The following MEF2C variants were observed in gnomAD, a reference collection of about 807,000 sequenced individuals.
The protein encoded by MEF2C is myocyte-specific enhancer factor 2C.
A neutral mutation model predicts 50.5 loss-of-function variants in MEF2C; 6 were observed. The ratio of observed to expected loss-of-function variants is 0.12; its 90% CI spans 0.07 to 0.23. The LOEUF (loss-of-function observed/expected upper bound fraction) is 0.23, where lower values mean the gene tolerates loss of function less well. MEF2C is among the 10% of genes least tolerant of loss of function. The probability of loss-of-function intolerance (pLI) is 1.00; values close to 1 mark genes in which losing one functional copy is unlikely to be tolerated. For missense variants in MEF2C, 276 were observed against 605.0 expected (o/e 0.46, Z 5.70); for synonymous variants, 183 against 228.0 (o/e 0.80, Z 1.78).
At chr5:88,807,009 T>C (rs933272238) in intron 2 of MEF2C, among the ~76,000 whole-genome samples, 4 of 152,224 alleles carry the variant, frequency 2.6e-5, no homozygotes, top group Admixed American at 2.0e-4. Flanking sequence ...TGTATGTATA[T>C]ATGTGATAAA....
At chr5:88,760,861 G>C in intron 4 of MEF2C, 1 of 1,031,510 alleles carries the variant, frequency 9.7e-7, no homozygotes, top group Non-Finnish European at 1.4e-6. Flanking sequence ...TGAGCTGCCC[G>C]TGGGATGAGA....
intron 6 of MEF2C, chr5:88,742,957 A>AAAT: frequency 1.4e-5 from 14 of 973,892 alleles, no homozygotes; most frequent in Non-Finnish European, 1.7e-5. Flanking sequence ...TTAATTTCAT[A>AAAT]AATAATAATA....
At chr5:88,740,425 C>T in intron 6 of MEF2C, 1 of 985,246 alleles carries the variant, frequency 1.0e-6, no homozygotes, top group Non-Finnish European at 1.2e-6. Context: ...TGTTGGCGAA[C>T]ATTTTCTCAT....
At chr5:88,831,124 G>T (rs773330200) in intron 1 of MEF2C, among the ~76,000 whole-genome samples, 1 of 151,916 alleles carries the variant, frequency 6.6e-6, no homozygotes, top group African/African-American at 2.4e-5. Context: ...CATATTTCAC[G>T]ATTAAAATGG....
At chr5:88,838,594 G>T (rs533396472) in intron 1 of MEF2C, 2 of 985,144 alleles carry the variant, frequency 2.0e-6, no homozygotes, top group South Asian at 4.7e-5. Flanking sequence ...GAATTACACA[G>T]ATATCTCATC....
At chr5:88,765,335 C>A (rs1378136251) in intron 3 of MEF2C, among the ~76,000 whole-genome samples, 1 of 152,052 alleles carries the variant, frequency 6.6e-6, no homozygotes, top group Non-Finnish European at 1.5e-5. Flanking sequence ...GCTTGTATAA[C>A]ACATTTCTGC....
intron 1 of MEF2C, chr5:88,826,972 A>T (rs1268561677): frequency 6.7e-6 from 1 of 149,578 alleles, no homozygotes; most frequent in East Asian, 2.0e-4. Context: ...AGTCTTCTGC[A>T]TTTTTTTTTT....
At chr5:88,773,787 G>C (rs1783515454) in intron 3 of MEF2C, among the ~76,000 whole-genome samples, 1 of 152,200 alleles carries the variant, frequency 6.6e-6, no homozygotes, top group Non-Finnish European at 1.5e-5. Context: ...TTTTAGTCAG[G>C]TTTGCCAGGT....
chr5:88,755,455 G>C (rs954679532), intron 4 of MEF2C, among the ~76,000 whole-genome samples: 1 of 152,160 alleles, frequency 6.6e-6, no homozygotes, highest in Non-Finnish European at 1.5e-5. Flanking sequence ...ATAAAATACT[G>C]TAGTCAGAAA....
chr5:88,729,540 G>A, intron 8 of MEF2C, 193 bp from the exon 9 acceptor site: 1 of 569,554 alleles, frequency 1.8e-6, no homozygotes, highest in Non-Finnish European at 3.1e-6. Flanking sequence ...TGTTGCCATA[G>A]TAACCCATTA....
upstream of MEF2C, among the ~76,000 whole-genome samples, chr5:88,886,194 AT>A (rs1326882020): frequency 6.6e-6 from 1 of 152,240 alleles, no homozygotes; most frequent in Non-Finnish European, 1.5e-5. Flanking sequence ...CAGAAGAGAT[AT>A]GAAGAAATAT....
intron 1 of MEF2C, among the ~76,000 whole-genome samples, chr5:88,833,102 A>G (rs1276335578): frequency 6.6e-6 from 1 of 152,192 alleles, no homozygotes; most frequent in Non-Finnish European, 1.5e-5. Context: ...TAATGCCAGG[A>G]AAAACATTAT....
chr5:88,766,850 A>G (rs768423076), intron 3 of MEF2C: 33 of 984,216 alleles, frequency 3.4e-5, no homozygotes, highest in Non-Finnish European at 3.9e-5. Context: ...AAAAAGCATC[A>G]ACTTAGAAAA....
intron 2 of MEF2C, among the ~76,000 whole-genome samples, chr5:88,815,393 T>C (rs568856918): frequency 6.6e-6 from 1 of 152,172 alleles, no homozygotes; most frequent in South Asian, 2.1e-4. Flanking sequence ...GCTGTCTCCC[T>C]TATAGTTTCC....
At chr5:88,764,102 C>A (rs1043932946) in intron 3 of MEF2C, among the ~76,000 whole-genome samples, 4 of 152,170 alleles carry the variant, frequency 2.6e-5, no homozygotes, top group African/African-American at 4.8e-5. Context: ...ATGCAGATTT[C>A]TGACAACAGA....
chr5:88,851,558 C>A (rs781032065), intron 1 of MEF2C, among the ~76,000 whole-genome samples: 2 of 152,096 alleles, frequency 1.3e-5, no homozygotes. Context: ...ACTTACTAAA[C>A]CCACTCAATA....
At chr5:88,825,611 A>G in intron 1 of MEF2C, 2 of 984,692 alleles carry the variant, frequency 2.0e-6, no homozygotes, top group South Asian at 4.7e-5. Flanking sequence ...CCCACAAAGC[A>G]TAATTGCATC....
chr5:88,768,701 AGAGG>A lies in MEF2C; in HGVS notation c.259-7377_259-7374del, dbSNP rs1291670664. 7 of 985,112 alleles carry A rather than the reference AGAGG, an allele frequency of 7.1e-6. No homozygotes were observed. The African/African-American group carries it at 1.2e-4, about 17-fold the overall frequency. The allele number at this position is 985,112 out of a possible 1,614,324, so 61.0% of individuals were successfully genotyped here. ...GAACAGAAAAGAATGTTCAAATGTT[AGAGG>A]GAGGAAGATTAGTCTCAGTGCAGTA... On this transcript the variant is annotated intron_variant, in intron 3 of 10. Transcript: ENST00000504921.
chr5:88,758,001 C>A (rs1234207996), intron 4 of MEF2C, among the ~76,000 whole-genome samples: 3 of 152,186 alleles, frequency 2.0e-5, no homozygotes, highest in Non-Finnish European at 4.4e-5. Flanking sequence ...ACCACCTTAG[C>A]TACACCTGGC....
Sources: gnomAD v4.1 joint callset for allele counts (sites outside exome capture counted in the v4.1 genomes callset) on GRCh38, gnomAD v4.1.1 for gene constraint, MANE v1.5 for transcripts, NCBI Gene and HGNC (gene_info 2026-07-23, HGNC 2026-07-21) for gene names.